The following COLEC10 variants were observed in gnomAD, a reference collection of about 807,000 sequenced individuals.
COLEC10 encodes collectin subfamily member 10.
A neutral mutation model predicts 28.4 loss-of-function variants in COLEC10; 22 were observed. That is an observed-to-expected ratio of 0.78 (90% CI 0.55 to 1.11). COLEC10 has a LOEUF of 1.11. Ranked by LOEUF, COLEC10 falls within the 50% of genes least tolerant of loss-of-function variation. The pLI is 0.00. For synonymous variants in COLEC10, 125 were observed against 116.1 expected (o/e 1.08, Z -0.49); for missense variants, 361 against 344.1 (o/e 1.05, Z -0.39).
At chr8:119,049,446 G>A (rs1337704411) in intron 2 of COLEC10, among the ~76,000 whole-genome samples, 1 of 109,382 alleles carries the variant, frequency 9.1e-6, no homozygotes, top group African/African-American at 3.6e-5. Context: ...ATGGAGTCTC[G>A]CTCCATCGCC....
chr8:118,973,515 C>G, the COLEC10 span, among the ~76,000 whole-genome samples: 1 of 151,998 alleles, frequency 6.6e-6, no homozygotes, highest in African/African-American at 2.4e-5. Context: ...CATTTCTCCA[C>G]TGTGGCTTCT....
chr8:119,073,473 T>A (rs1423964622), intron 1 of COLEC10, among the ~76,000 whole-genome samples: 2 of 152,204 alleles, frequency 1.3e-5, no homozygotes, highest in Non-Finnish European at 2.9e-5. Context: ...AAACTTTTTA[T>A]TAATTGTATT....
the COLEC10 span, among the ~76,000 whole-genome samples, chr8:118,965,014 A>G: frequency 6.6e-6 from 1 of 152,204 alleles, no homozygotes; most frequent in Non-Finnish European, 1.5e-5. Context: ...GAGAGACTTC[A>G]TAGGGCATTG....
At chr8:119,025,569 T>C (rs556063648) in intron 2 of COLEC10, among the ~76,000 whole-genome samples, 1 of 152,228 alleles carries the variant, frequency 6.6e-6, no homozygotes, top group Non-Finnish European at 1.5e-5. Flanking sequence ...TTCAAAAAAT[T>C]TTCAGTGTGG....
chr8:119,074,081 T>C (rs1454061004), intron 1 of COLEC10, among the ~76,000 whole-genome samples: 1 of 151,888 alleles, frequency 6.6e-6, no homozygotes, highest in Admixed American at 6.6e-5. Flanking sequence ...AATGTCTTCA[T>C]CCATAAAATG....
intron 3 of COLEC10, among the ~76,000 whole-genome samples, chr8:119,101,072 C>T (rs182087164): frequency 3.3e-5 from 5 of 152,288 alleles, no homozygotes; most frequent in Admixed American, 1.3e-4. Flanking sequence ...CAACATGGGG[C>T]GCCCTACAGG....
intron 2 of COLEC10, among the ~76,000 whole-genome samples, chr8:119,024,121 T>G (rs991156355): frequency 6.6e-6 from 1 of 152,120 alleles, no homozygotes; most frequent in African/African-American, 2.4e-5. Flanking sequence ...TTAAATTTTG[T>G]GTTTCCACTC....
chr8:119,002,801 G>T (rs1021886628), intron 1 of COLEC10, among the ~76,000 whole-genome samples: 2 of 152,130 alleles, frequency 1.3e-5, no homozygotes, highest in Non-Finnish European at 2.9e-5. Flanking sequence ...GCTAAAATAG[G>T]TGATCAAAAG....
At position 119,077,367 on chromosome 8, in the gene COLEC10, T is replaced by C. The variant is rs1815267078; in HGVS notation, c.148+9938T>C. ...TTTTTCTGCTCCCTCTTTTTGATTC[T>C]GTAATATTTTAACTCTGAACAGAAG... On this transcript the variant is annotated intron_variant, in intron 1 of 5. Coordinates refer to ENST00000332843, the MANE Select transcript of COLEC10 (RefSeq NM_006438.5). 2.0e-5 allele frequency among the ~76,000 whole-genome samples: 3 copies of C among 151,954 alleles called. No individual in the cohort carries two copies. In the South Asian group the frequency reaches 6.2e-4, roughly 32 times the overall value.
At chr8:118,989,646 A>G in the COLEC10 span, among the ~76,000 whole-genome samples, 1 of 151,742 alleles carries the variant, frequency 6.6e-6, no homozygotes, top group East Asian at 1.9e-4. Context: ...AACAAATAAA[A>G]TTATAGTCTT....
chr8:119,043,541 A>G (rs1301820901), intron 2 of COLEC10, among the ~76,000 whole-genome samples: 3 of 152,222 alleles, frequency 2.0e-5, no homozygotes, highest in African/African-American at 7.2e-5. Context: ...TCACTGAACT[A>G]CCAAGTTGCC....
the COLEC10 span, among the ~76,000 whole-genome samples, chr8:118,989,440 T>A: frequency 2.6e-5 from 4 of 151,534 alleles, no homozygotes; most frequent in Non-Finnish European, 4.4e-5. Context: ...AAAACCATGC[T>A]CAAGTGTTTC....
Position 119,067,263 on chromosome 8 carries a change from T to C in COLEC10, c.-19T>C, listed in dbSNP as rs762333238. ...TTATTTGGCATTTCTGGGAGACCCT[T>C]TTCTGAGGAACCACAGCAATGAATG... On this transcript the variant is annotated 5_prime_UTR_variant, in exon 1 of 6. Coordinates refer to ENST00000332843, the MANE Select transcript of COLEC10 (RefSeq NM_006438.5). 7 of 1,612,420 alleles carry C rather than the reference T, an allele frequency of 4.3e-6. No homozygotes were observed. The highest frequency in any genetic ancestry group is 1.7e-4 in the Middle Eastern group (1 of 6,048).
chr8:119,028,316 T>G (rs1814230408), intron 2 of COLEC10, among the ~76,000 whole-genome samples: 1 of 152,172 alleles, frequency 6.6e-6, no homozygotes, highest in South Asian at 2.1e-4. Flanking sequence ...GAATGTCAAG[T>G]GTAAAAGACA....
At chr8:119,000,831 A>G (rs764209419) in intron 1 of COLEC10, among the ~76,000 whole-genome samples, 2 of 152,198 alleles carry the variant, frequency 1.3e-5, no homozygotes, top group Admixed American at 1.3e-4. Flanking sequence ...AAGGTAATTG[A>G]TAGGTGAAAA....
intron 2 of COLEC10, among the ~76,000 whole-genome samples, chr8:119,039,571 T>C (rs1046750681): frequency 3.9e-5 from 6 of 152,186 alleles, no homozygotes; most frequent in African/African-American, 1.4e-4. Context: ...TGGTATTAGT[T>C]TCTTTTTGCT....
chr8:119,017,339 C>G (rs985633526), intron 2 of COLEC10, among the ~76,000 whole-genome samples: 2 of 152,058 alleles, frequency 1.3e-5, no homozygotes, highest in African/African-American at 4.8e-5. Flanking sequence ...GAAAATGATA[C>G]CCTTTGGTGA....
rs146186437 is a variant in COLEC10, at chr8:119,068,294, A to G, written c.148+865A>G. 160 of 152,310 alleles carry G rather than the reference A, an allele frequency of 1.1e-3. 2 individuals are homozygous for G. Among genetic ancestry groups the G allele is most frequent in the African/African-American group, 3.7e-3 (152 of 41,570 alleles). 9.4% of individuals were successfully genotyped at this position (152,310 alleles called of 1,614,324 possible). On this transcript the variant is annotated intron_variant, in intron 1 of 5. Transcript: ENST00000332843. ...TGCCCCATGCCTGTCAGTTATTTAA[A>G]TGTGTATTGCTTAAAGTGCATTTTT... is the stretch of plus-strand genomic sequence containing the variant.
In COLEC10 at chr8:119,058,588, C is replaced by T. The variant is rs1814801988; in HGVS notation, n.236-31092C>T. 2.6e-5 allele frequency among the ~76,000 whole-genome samples: 4 copies of T among 152,006 alleles called. No individual in the cohort carries two copies. The South Asian group carries it at 8.3e-4, about 31-fold the overall frequency. On this transcript the variant is annotated intron_variant and non_coding_transcript_variant, in intron 2 of 6. Transcript: ENST00000521788. ...TGGAGATGCAGTGCCATCTATGTTGCATGTATCAGTAGTTTGTTACTTTTA... is the reference window on the plus strand; with the variant it reads ...TGGAGATGCAGTGCCATCTATGTTGTATGTATCAGTAGTTTGTTACTTTTA...
Sources: gnomAD v4.1 joint callset for allele counts (sites outside exome capture counted in the v4.1 genomes callset) on GRCh38, gnomAD v4.1.1 for gene constraint, MANE v1.5 for transcripts, NCBI Gene and HGNC (gene_info 2026-07-23, HGNC 2026-07-21) for gene names.